The following LRGUK variants were observed in gnomAD, a reference collection of about 807,000 sequenced individuals.
LRGUK encodes leucine rich repeats and guanylate kinase domain containing.
Under a neutral mutation model 76.0 loss-of-function variants are expected in LRGUK, and 65 were observed. The ratio of observed to expected loss-of-function variants is 0.85; its 90% CI spans 0.70 to 1.05. LRGUK has a LOEUF of 1.05. Ranked by LOEUF, LRGUK falls within the 50% of genes least tolerant of loss-of-function variation. The pLI is 0.00. For synonymous variants in LRGUK, 268 were observed against 265.6 expected (o/e 1.01, Z -0.09); for missense variants, 758 against 732.8 (o/e 1.03, Z -0.40).
exon 16 of LRGUK, chr7:134,209,105 T>G: frequency 2.5e-6 from 1 of 398,944 alleles, no homozygotes; most frequent in Non-Finnish European, 4.4e-6. Context: ...GGTTGGGCAG[T>G]CTCCCATCAC....
In LRGUK at chr7:134,243,755, G is replaced by A. The variant is rs1274840862; in HGVS notation, c.1984-3801G>A. 2.0e-5 allele frequency among the ~76,000 whole-genome samples: 3 copies of A among 152,114 alleles called. No individual in the cohort carries two copies. In the East Asian group the frequency reaches 5.8e-4, roughly 29 times the overall value. ...GCCCGCATTGCCAAGACAATCCTAAGCCAAAAGAACAAAGCTGGAGGCATC... is the reference window on the plus strand; with the variant it reads ...GCCCGCATTGCCAAGACAATCCTAAACCAAAAGAACAAAGCTGGAGGCATC... On this transcript the variant is annotated intron_variant, in intron 16 of 19. Coordinates refer to the LRGUK transcript ENST00000285928.
chr7:134,143,135 C>T (rs1205692295), exon 4 of LRGUK: 1 of 1,607,966 alleles, frequency 6.2e-7, no homozygotes, highest in Non-Finnish European at 8.5e-7. Context: ...CTACGTTCTT[C>T]AATTTCAAGC....
At chr7:134,256,320 A>G (rs898659732) in intron 18 of LRGUK, among the ~76,000 whole-genome samples, 3 of 151,894 alleles carry the variant, frequency 2.0e-5, no homozygotes, top group African/African-American at 7.3e-5. Flanking sequence ...TTAGCTGGGC[A>G]TGGTGGTGGG....
chr7:134,136,613 G>T (rs1367794351), intron 1 of LRGUK, among the ~76,000 whole-genome samples: 1 of 152,068 alleles, frequency 6.6e-6, no homozygotes. Flanking sequence ...TAATTCTTTT[G>T]CCTGTAAAGT....
At chr7:134,244,961 C>A (rs1802257596) in intron 16 of LRGUK, among the ~76,000 whole-genome samples, 1 of 137,406 alleles carries the variant, frequency 7.3e-6, no homozygotes, top group South Asian at 2.4e-4. Flanking sequence ...GACAGGAAAT[C>A]AAACACCACA....
downstream of LRGUK, among the ~76,000 whole-genome samples, chr7:134,268,759 T>G (rs1202388987): frequency 8.4e-6 from 1 of 119,254 alleles, no homozygotes; most frequent in Non-Finnish European, 1.6e-5. Context: ...AGACAGAGTC[T>G]CGCTCTGTTG....
chr7:134,238,451 T>G (rs191912692), intron 16 of LRGUK, among the ~76,000 whole-genome samples: 1 of 152,250 alleles, frequency 6.6e-6, no homozygotes, highest in East Asian at 1.9e-4. Context: ...TATTTAAAAT[T>G]TTTTAGCCTG....
At chr7:134,188,514 T>G (rs1800067859) in intron 11 of LRGUK, among the ~76,000 whole-genome samples, 1 of 151,926 alleles carries the variant, frequency 6.6e-6, no homozygotes, top group Non-Finnish European at 1.5e-5. Flanking sequence ...TAGTGACGGG[T>G]GATGATAGCA....
chr7:134,173,855 A>T (rs1339860719), intron 7 of LRGUK, among the ~76,000 whole-genome samples: 1 of 152,200 alleles, frequency 6.6e-6, no homozygotes, highest in East Asian at 1.9e-4. Context: ...TCATGCCTGT[A>T]ATCCCAGAAC....
In LRGUK at chr7:134,209,857, CA is replaced by C. The variant is rs1165276859; in HGVS notation, c.2995del (p.Ile999SerfsTer13). 5 of 399,346 alleles carry C rather than the reference CA, an allele frequency of 1.3e-5. No homozygotes were observed. In the East Asian group the frequency reaches 1.8e-4, roughly 14 times the overall value. The allele number at this position is 399,346 out of a possible 1,614,324, so 24.7% of individuals were successfully genotyped here. A position where few individuals can be genotyped will look rare whatever the true frequency, so the allele number is the denominator to read the frequency against. ...CCAGCCAGGAGCAAGCAGAACCTCGCATCCTCAGTCCCGCCCAGGAGGAGGC... is the reference window on the plus strand; with the variant it reads ...CCAGCCAGGAGCAAGCAGAACCTCGCTCCTCAGTCCCGCCCAGGAGGAGGC... On this transcript the variant is annotated frameshift_variant, in exon 16 of 16. Coordinates refer to ENST00000645682, the Ensembl canonical transcript of LRGUK. LOFTEE classifies it low-confidence loss of function (END_TRUNC).
At chr7:134,211,219 G>C (rs1801253099), downstream of LRGUK, among the ~76,000 whole-genome samples, 1 of 152,236 alleles carries the variant, frequency 6.6e-6, no homozygotes, top group Admixed American at 6.5e-5. Flanking sequence ...GAGGGATGCA[G>C]CTCTATCAGC....
At chr7:134,154,502 T>C (rs766851929) in intron 5 of LRGUK, among the ~76,000 whole-genome samples, 2 of 152,148 alleles carry the variant, frequency 1.3e-5, no homozygotes, top group Non-Finnish European at 2.9e-5. Context: ...TGGGAGCAAG[T>C]AGAGGAAAAA....
intron 5 of LRGUK, among the ~76,000 whole-genome samples, chr7:134,154,497 G>A (rs1798378866): frequency 6.6e-6 from 1 of 152,218 alleles, no homozygotes; most frequent in Non-Finnish European, 1.5e-5. Flanking sequence ...GACTGTGGGA[G>A]CAAGTAGAGG....
chr7:134,223,412 C>T (rs1038025198), intron 16 of LRGUK, among the ~76,000 whole-genome samples: 11 of 152,212 alleles, frequency 7.2e-5, no homozygotes, highest in Non-Finnish European at 1.3e-4. Flanking sequence ...GCTCAGGCTG[C>T]GGCTTCTCAG....
intron 5 of LRGUK, among the ~76,000 whole-genome samples, chr7:134,150,479 C>CA (rs11403705): frequency 0.62 from 83,655 of 134,172 alleles, 26,084 homozygotes; most frequent in African/African-American, 0.74. Context: ...AACAAGCAAA[C>CA]AAAAAAAAAA....
chr7:134,242,549 C>T (rs983126321), intron 16 of LRGUK, among the ~76,000 whole-genome samples: 4 of 151,914 alleles, frequency 2.6e-5, no homozygotes, highest in African/African-American at 7.2e-5. Context: ...TCTGAAATTG[C>T]GGCAATAATT....
At chr7:134,231,338 C>A (rs895208886) in intron 16 of LRGUK, among the ~76,000 whole-genome samples, 1 of 152,190 alleles carries the variant, frequency 6.6e-6, no homozygotes, top group Non-Finnish European at 1.5e-5. Context: ...TCTGTCATTG[C>A]TATTGATCAA....
downstream of LRGUK, among the ~76,000 whole-genome samples, chr7:134,211,701 C>A (rs1048437775): frequency 2.0e-5 from 3 of 152,172 alleles, no homozygotes; most frequent in Admixed American, 6.5e-5. Flanking sequence ...CTGGTTGAAT[C>A]AATTAAAAGA....
intron 5 of LRGUK, among the ~76,000 whole-genome samples, chr7:134,157,102 G>A (rs1798497077): frequency 6.6e-6 from 1 of 152,170 alleles, no homozygotes; most frequent in Admixed American, 6.5e-5. Flanking sequence ...AACACAGAAG[G>A]TAAGCTAAAA....
Sources: allele counts gnomAD v4.1 joint callset (sites outside exome capture counted in the v4.1 genomes callset), GRCh38; gene constraint gnomAD v4.1.1; transcripts MANE v1.5; gene names NCBI Gene and HGNC (gene_info 2026-07-23, HGNC 2026-07-21).